Variants in NEMF observed in about 807,000 individuals in gnomAD.
The protein encoded by NEMF is ribosome quality control complex subunit NEMF.
In NEMF, 89 loss-of-function variants were observed where a neutral mutation model predicts 162.2. The ratio of observed to expected loss-of-function variants is 0.55; its 90% CI spans 0.46 to 0.65. The LOEUF (loss-of-function observed/expected upper bound fraction) is 0.65. Ranked by LOEUF, NEMF falls within the 30% of genes least tolerant of loss-of-function variation. The pLI is 0.00. For missense variants in NEMF, 1,133 were observed against 1,261.9 expected (o/e 0.90, Z 1.55); for synonymous variants, 421 against 404.5 (o/e 1.04, Z -0.49).
rs372615646 is a variant in NEMF at position 49,800,715 on chromosome 14, G to A, written c.2096-19C>T. 7 of 1,605,206 alleles carry A rather than the reference G, an allele frequency of 4.4e-6. No individual in the cohort carries two copies. The African/African-American group carries it at 8.0e-5, about 18-fold the overall frequency. On this transcript the variant is annotated intron_variant, in intron 22 of 32. Transcript: ENST00000298310. ...CCTCCATCTGTAGAATTATCATAAGGAAAGTCAGTGTGGGACTACCAACCA... is the reference window on the plus strand; with the variant it reads ...CCTCCATCTGTAGAATTATCATAAGAAAAGTCAGTGTGGGACTACCAACCA...
intron 15 of NEMF, among the ~76,000 whole-genome samples, chr14:49,827,713 T>C (rs1476335534): frequency 6.6e-6 from 1 of 151,980 alleles, no homozygotes; most frequent in Non-Finnish European, 1.5e-5. Flanking sequence ...CTTAGGAGGC[T>C]GAGGTGGGAG....
At chr14:49,806,948 A>G (rs1045238238) in intron 18 of NEMF, among the ~76,000 whole-genome samples, 9 of 152,194 alleles carry the variant, frequency 5.9e-5, no homozygotes, top group African/African-American at 2.2e-4. Context: ...TATATTCATA[A>G]TGCTGTGTGA....
rs145664158 is a variant in NEMF, at chr14:49,834,531, G to A, written c.575-82C>T. 3.6e-3 allele frequency: 3,551 copies of A among 994,752 alleles called. 17 individuals are homozygous for A. Among genetic ancestry groups the A allele is most frequent in the Non-Finnish European group, 3.8e-3 (2,481 of 649,818 alleles). The allele number at this position is 994,752 out of a possible 1,614,324, so 61.6% of individuals were successfully genotyped here. On this transcript the variant is annotated intron_variant, in intron 6 of 32. Coordinates refer to ENST00000298310, the MANE Select transcript of NEMF (RefSeq NM_004713.6). ...TGTTTTTTGAGATGGAGTTTTACCCGTCGCCCAGGCCGGAGTGCAATGGTG... is the reference window on the plus strand; with the variant it reads ...TGTTTTTTGAGATGGAGTTTTACCCATCGCCCAGGCCGGAGTGCAATGGTG...
chr14:49,826,087 C>A lies in NEMF; in HGVS notation c.1489-132G>T, dbSNP rs1892327990. 5 of 569,322 alleles carry A rather than the reference C, an allele frequency of 8.8e-6. No individual in the cohort carries two copies. The South Asian group carries it at 1.2e-4, about 14-fold the overall frequency. 35.3% of individuals were successfully genotyped at this position (569,322 alleles called of 1,614,324 possible). On this transcript the variant is annotated intron_variant, in intron 15 of 32. Transcript: ENST00000298310. ...ATCTACACACACACACACAAACACA[C>A]ACACACACAAATACGCATACTTGAA...
Position 49,812,718 on chromosome 14 carries a change from C to G in NEMF, c.1744+1270G>C, listed in dbSNP as rs180805559. ...TACTTACGAATTTAAAACATTTTCT[C>G]TACTCCTGGTTTCTAATTTCACCCC... On this transcript the variant is annotated intron_variant, in intron 18 of 32. Coordinates refer to ENST00000298310, the MANE Select transcript of NEMF (RefSeq NM_004713.6). 1.5e-3 allele frequency among the ~76,000 whole-genome samples: 232 copies of G among 152,070 alleles called. 1 individual carries two copies. The highest frequency in any genetic ancestry group is 2.6e-3 in the Admixed American group (40 of 15,272).
At chr14:49,801,350 T>C (rs2139859284) in intron 22 of NEMF, 1 of 152,104 alleles carries the variant, frequency 6.6e-6, no homozygotes, top group South Asian at 2.1e-4. Flanking sequence ...TAGCCAGGCG[T>C]GGTGGCAGGC....
chr14:49,789,411 G>A, intron 27 of NEMF, 68 bp from the exon 28 acceptor site: 5 of 1,610,342 alleles, frequency 3.1e-6, no homozygotes, highest in African/African-American at 2.7e-5. Flanking sequence ...TAACAAGAAT[G>A]TATTGAATGC....
rs147536145 is a variant in NEMF, at chr14:49,829,004, A to G, written c.1232+50T>C. 6.1e-4 allele frequency: 931 copies of G among 1,526,380 alleles called. 8 individuals carry two copies. The East Asian group carries it at 0.019, about 31-fold the overall frequency. 94.6% of individuals were successfully genotyped at this position (1,526,380 alleles called of 1,614,324 possible). A position where few individuals can be genotyped will look rare whatever the true frequency, so the allele number is the denominator to read the frequency against. ...ATGTTTAATACAGTGAACAATTAAA[A>G]TAACAAAATAAAGACAAGCATTAAC... On this transcript the variant is annotated intron_variant, in intron 13 of 32. Coordinates refer to ENST00000298310, the MANE Select transcript of NEMF (RefSeq NM_004713.6).
At chr14:49,819,925 G>A (rs1466025213) in intron 16 of NEMF, among the ~76,000 whole-genome samples, 1 of 151,712 alleles carries the variant, frequency 6.6e-6, no homozygotes, top group East Asian at 1.9e-4. Flanking sequence ...GGATTAGAAT[G>A]CCACTTCAGC....
At chr14:49,836,733 T>C (rs1165691918) in intron 6 of NEMF, among the ~76,000 whole-genome samples, 1 of 152,096 alleles carries the variant, frequency 6.6e-6, no homozygotes, top group Non-Finnish European at 1.5e-5. Context: ...AAGTTGAGTA[T>C]CCCTTATGTG....
chr14:49,849,792 G>T (rs758224150), intron 3 of NEMF: 3 of 152,140 alleles, frequency 2.0e-5, no homozygotes, highest in Non-Finnish European at 2.9e-5. Context: ...CTTAAAAAGT[G>T]CTACACAACA....
chr14:49,803,040 A>C (rs1293455805), intron 20 of NEMF, among the ~76,000 whole-genome samples, 197 bp downstream of exon 20: 1 of 152,240 alleles, frequency 6.6e-6, no homozygotes, highest in East Asian at 1.9e-4. Flanking sequence ...ACTGCCCTCA[A>C]TAAAAATATA....
At chr14:49,821,110 G>A (rs1461382597) in intron 16 of NEMF, among the ~76,000 whole-genome samples, 3 of 13,344 alleles carry the variant, frequency 2.2e-4, no homozygotes, top group African/African-American at 2.4e-4. Flanking sequence ...GTCTCTGCCC[G>A]GCCGCCCCGT....
chr14:49,799,207 C>CAAAAAAA (rs780442972), intron 25 of NEMF, among the ~76,000 whole-genome samples: 992 of 59,030 alleles, frequency 0.017, 178 homozygotes, highest in Admixed American at 0.055. Flanking sequence ...GACCCTGTTT[C>CAAAAAAA]AAAAAAAAAA....
chr14:49,787,272 A>G (rs1890220624), intron 28 of NEMF: 1 of 152,774 alleles, frequency 6.5e-6, no homozygotes, highest in Non-Finnish European at 1.5e-5. Context: ...GCTGTAACAA[A>G]ATACCTTAGC....
chr14:49,800,081 T>A (rs943707429), intron 23 of NEMF, among the ~76,000 whole-genome samples: 2 of 152,226 alleles, frequency 1.3e-5, no homozygotes, highest in Non-Finnish European at 2.9e-5. Context: ...CTAAGTTAAT[T>A]ATGCATTTAT....
rs906271354 is a variant in NEMF at position 49,786,649 on chromosome 14, G to A, written c.2928+69C>T. 5.5e-6 allele frequency: 8 copies of A among 1,448,144 alleles called. No homozygotes were observed. The Admixed American group carries it at 7.1e-5, about 13-fold the overall frequency. The allele number at this position is 1,448,144 out of a possible 1,614,324, so 89.7% of individuals were successfully genotyped here. A position where few individuals can be genotyped will look rare whatever the true frequency, so the allele number is the denominator to read the frequency against. ...AGGTTTCTAAGTTTTAATAAGTTGT[G>A]TTTCAAACATTCTGGGAACTGAATT... On this transcript the variant is annotated intron_variant, in intron 29 of 32. Transcript: ENST00000298310.
chr14:49,787,497 GC>G (rs1399783589), intron 28 of NEMF, among the ~76,000 whole-genome samples: 5 of 152,046 alleles, frequency 3.3e-5, no homozygotes, highest in African/African-American at 1.2e-4. Flanking sequence ...ACCAGCCTGG[GC>G]AACACAGGGA....
chr14:49,804,179 A>G (rs1891083040), intron 19 of NEMF, among the ~76,000 whole-genome samples: 1 of 147,948 alleles, frequency 6.8e-6, no homozygotes, highest in Non-Finnish European at 1.5e-5. Flanking sequence ...TAATTTTTGT[A>G]TTTTTTAGTA....
Sources: gnomAD v4.1 joint callset for allele counts (sites outside exome capture counted in the v4.1 genomes callset) on GRCh38, gnomAD v4.1.1 for gene constraint, MANE v1.5 for transcripts, NCBI Gene and HGNC (gene_info 2026-07-23, HGNC 2026-07-21) for gene names.